Variants in KIF16B observed in about 807,000 individuals in gnomAD.
KIF16B encodes the protein kinesin family member 16B, also known as kinesin-like protein KIF16B.
A neutral mutation model predicts 156.3 loss-of-function variants in KIF16B; 98 were observed. The ratio of observed to expected loss-of-function variants is 0.63; its 90% confidence interval spans 0.53 to 0.74. The LOEUF (loss-of-function observed/expected upper bound fraction) is 0.74. Among genes scored for constraint, KIF16B ranks in the 30% least tolerant of loss-of-function variants. The pLI is 0.00. For missense variants in KIF16B, 1,421 were observed against 1,606.5 expected, an observed-to-expected ratio of 0.88 and a Z score of 1.97; for synonymous variants, 564 against 583.7, an observed-to-expected ratio of 0.97 and a Z score of 0.49.
At chr20:16,285,200 C>T (rs1601489958) in intron 25 of KIF16B, among the ~76,000 whole-genome samples, 1 of 152,192 alleles carries the variant, frequency 6.6e-6, no homozygotes, top group Admixed American at 6.5e-5. Flanking sequence ...CAGTTCTACA[C>T]TAAGATTCTG....
intron 25 of KIF16B, among the ~76,000 whole-genome samples, chr20:16,280,220 G>A (rs931587838): frequency 3.9e-5 from 6 of 152,176 alleles, no homozygotes; most frequent in Non-Finnish European, 8.8e-5. Flanking sequence ...TTGCTCACAG[G>A]AACTAACCAT....
intron 12 of KIF16B, among the ~76,000 whole-genome samples, chr20:16,486,723 G>A (rs140582522): frequency 4.6e-5 from 7 of 152,184 alleles, no homozygotes; most frequent in African/African-American, 9.6e-5. Context: ...ATGAGCTCTC[G>A]AGTCAGTACT....
intron 22 of KIF16B, chr20:16,369,177 C>T: frequency 1.0e-6 from 1 of 985,820 alleles, no homozygotes; most frequent in Non-Finnish European, 1.2e-6. Flanking sequence ...GATCCACCTC[C>T]CTCCTCTCCT....
At chr20:16,506,983 T>C (rs577814215) in intron 7 of KIF16B, among the ~76,000 whole-genome samples, 81 of 150,972 alleles carry the variant, frequency 5.4e-4, no homozygotes, top group African/African-American at 1.9e-3. Context: ...TGCACTGCAG[T>C]CCCAGCTCCC....
chr20:16,325,581 T>C (rs1409974456), intron 24 of KIF16B, among the ~76,000 whole-genome samples: 1 of 143,290 alleles, frequency 7.0e-6, no homozygotes, highest in Non-Finnish European at 1.5e-5. Flanking sequence ...AACTTAGAAA[T>C]GTGAATAGGA....
At chr20:16,426,688 G>A (rs918639251) in intron 15 of KIF16B, among the ~76,000 whole-genome samples, 1 of 151,976 alleles carries the variant, frequency 6.6e-6, no homozygotes, top group East Asian at 1.9e-4. Context: ...TGATATTGAA[G>A]TTATTTCAAA....
chr20:16,411,887 A>G (rs1004374458), intron 15 of KIF16B, among the ~76,000 whole-genome samples: 2 of 150,728 alleles, frequency 1.3e-5, no homozygotes, highest in Non-Finnish European at 2.9e-5. Context: ...CTGGCCCTCA[A>G]AAACTTTTGG....
chr20:16,508,983 T>A (rs1386321827), intron 6 of KIF16B, among the ~76,000 whole-genome samples: 1 of 152,166 alleles, frequency 6.6e-6, no homozygotes, highest in Non-Finnish European at 1.5e-5. Flanking sequence ...CACTTCCCCT[T>A]CTGTCAGGGA....
At chr20:16,424,536 A>G (rs1306452787) in intron 15 of KIF16B, among the ~76,000 whole-genome samples, 3 of 152,144 alleles carry the variant, frequency 2.0e-5, no homozygotes. Flanking sequence ...GCAACCATTA[A>G]AAACTGTAAT....
At chr20:16,312,457 ACC>A in intron 24 of KIF16B, 39 bp from the exon 25 acceptor site, 1 of 1,342,424 alleles carries the variant, frequency 7.4e-7, no homozygotes, top group Non-Finnish European at 1.1e-6. Flanking sequence ...TTAATAGCAT[ACC>A]TGTTAATTGT....
At chr20:16,488,660 A>G (rs1190937225) in intron 12 of KIF16B, among the ~76,000 whole-genome samples, 5 of 152,258 alleles carry the variant, frequency 3.3e-5, no homozygotes, top group African/African-American at 1.2e-4. Context: ...TTCAAACACC[A>G]GGCAGTCAGC....
rs912859473 is a variant in KIF16B at position 16,381,976 on chromosome 20, T to G, written c.1785-229A>C. The G allele has an allele frequency of 1.0e-5, 9 of 857,360 alleles. No individual in the cohort carries two copies. In the African/African-American group the frequency reaches 1.2e-4, roughly 12 times the overall value. The allele number at this position is 857,360 out of a possible 1,614,324, so 53.1% of individuals were successfully genotyped here. A position where few individuals can be genotyped will look rare whatever the true frequency, so the allele number is the denominator to read the frequency against. On this transcript the variant is annotated intron_variant, in intron 17 of 25. Coordinates refer to ENST00000354981, the MANE Select transcript of KIF16B (RefSeq NM_024704.5). ...CAGGCTGAAAAGAACAGATTTTACT[T>G]GAAGGAAAACAAAACAAAAACTGTA...
chr20:16,280,841 C>CGCGCGCGCGTGTGTGT (rs112026824), intron 25 of KIF16B, among the ~76,000 whole-genome samples: 9 of 74,464 alleles, frequency 1.2e-4, no homozygotes, highest in African/African-American at 4.5e-4. Flanking sequence ...TGCGCGCGCA[C>CGCGCGCGCGTGTGTGT]GTGTGTGTGT....
intron 12 of KIF16B, among the ~76,000 whole-genome samples, chr20:16,446,869 T>C (rs1354301917): frequency 6.6e-6 from 1 of 152,194 alleles, no homozygotes; most frequent in Admixed American, 6.5e-5. Flanking sequence ...ACACAAAACT[T>C]GCAGGCAAAT....
intron 25 of KIF16B, among the ~76,000 whole-genome samples, chr20:16,276,688 G>GA (rs200584937): frequency 7.3e-4 from 109 of 148,836 alleles, no homozygotes; most frequent in African/African-American, 2.5e-3. Flanking sequence ...TCTGGCAAAT[G>GA]AAAAAAAAAC....
intron 22 of KIF16B, among the ~76,000 whole-genome samples, chr20:16,359,376 G>A (rs961201353): frequency 1.5e-4 from 23 of 152,140 alleles, no homozygotes; most frequent in African/African-American, 5.6e-4. Context: ...TGCTCCCACT[G>A]TGTGAGATAC....
At position 16,380,087 on chromosome 20, in the gene KIF16B, T is replaced by C. The variant is rs776587255; in HGVS notation, c.1915A>G (p.Thr639Ala). 3 of 1,535,470 alleles carry C rather than the reference T, an allele frequency of 2.0e-6. No homozygotes were observed. The highest frequency in any genetic ancestry group is 2.8e-5 in the African/African-American group (2 of 71,992). Residue 639 changes from threonine to alanine, a missense_variant, in exon 19 of 26, where the codon ACC becomes GCC. Transcript: ENST00000354981. ...ELERMQQEVE[T>A]QRKETEIVQL... Reference sequence around the variant, plus strand: ...ACGATTTCTGTCTCCTTGCGCTGGGTCTCCACCTCCTGCTGCATCCGCTCC... The same window carrying C: ...ACGATTTCTGTCTCCTTGCGCTGGGCCTCCACCTCCTGCTGCATCCGCTCC...
chr20:16,401,764 C>T (rs544498867), intron 17 of KIF16B, among the ~76,000 whole-genome samples: 1 of 152,166 alleles, frequency 6.6e-6, no homozygotes, highest in Non-Finnish European at 1.5e-5. Context: ...GGGAGTTACT[C>T]TTAATTCCTT....
intron 25 of KIF16B, among the ~76,000 whole-genome samples, chr20:16,283,713 T>C (rs117803853): frequency 0.029 from 4,408 of 152,266 alleles, 66 homozygotes; most frequent in Middle Eastern, 0.045. Flanking sequence ...CATTAGCTCA[T>C]GGTTCTGTGG....
Sources: gnomAD v4.1 joint callset for allele counts (sites outside exome capture counted in the v4.1 genomes callset) on GRCh38, gnomAD v4.1.1 for gene constraint, MANE v1.5 for transcripts, NCBI Gene and HGNC (gene_info 2026-07-23, HGNC 2026-07-21) for gene names.